Variants in PACRG observed in about 807,000 individuals in gnomAD.
PACRG encodes the protein parkin coregulated gene protein.
A neutral mutation model predicts 29.7 loss-of-function variants in PACRG; 29 were observed. That is an observed-to-expected ratio of 0.98 (90% CI 0.73 to 1.33). The LOEUF is 1.33. Among genes scored for constraint, PACRG ranks in the 40% most tolerant of loss-of-function variants. The probability of loss-of-function intolerance (pLI) is 0.00; values close to 1 mark genes in which losing one functional copy is unlikely to be tolerated. For synonymous variants in PACRG, 116 were observed against 118.7 expected, an observed-to-expected ratio of 0.98 and a Z score of 0.15; for missense variants, 279 against 316.2, an observed-to-expected ratio of 0.88 and a Z score of 0.89.
intron 2 of PACRG, among the ~76,000 whole-genome samples, chr6:162,866,507 C>T (rs902328219): frequency 6.6e-6 from 1 of 152,088 alleles, no homozygotes; most frequent in Non-Finnish European, 1.5e-5. Flanking sequence ...CCATAGAGCT[C>T]GCTCTTTTGC....
chr6:162,919,705 T>A (rs1387046158), intron 2 of PACRG, among the ~76,000 whole-genome samples: 2 of 152,210 alleles, frequency 1.3e-5, no homozygotes, highest in Non-Finnish European at 2.9e-5. Flanking sequence ...AATGAAAGCA[T>A]TGTGCTGAAT....
At position 162,895,313 on chromosome 6, in the gene PACRG, A is replaced by G. The variant is rs576986671; in HGVS notation, c.291+81032A>G. On this transcript the variant is annotated intron_variant, in intron 2 of 4. Coordinates refer to ENST00000366888, the MANE Select transcript of PACRG (RefSeq NM_001080379.2). ...AAAATACAACTTCAAATGAATGAATACTATATTTCAGGTGATAATTCCTAA... is the reference window on the plus strand; with the variant it reads ...AAAATACAACTTCAAATGAATGAATGCTATATTTCAGGTGATAATTCCTAA... Among the ~76,000 whole-genome samples, 5 of 152,038 alleles carry G rather than the reference A, an allele frequency of 3.3e-5. No individual in the cohort carries two copies. In the South Asian group the frequency reaches 8.3e-4, roughly 25 times the overall value.
intron 4 of PACRG, among the ~76,000 whole-genome samples, chr6:163,266,259 G>A (rs368252492): frequency 4.6e-5 from 7 of 152,174 alleles, no homozygotes; most frequent in East Asian, 3.9e-4. Context: ...ATCAGAAACC[G>A]GATTTGGATT....
chr6:162,996,349 C>A (rs1260798082), intron 2 of PACRG, among the ~76,000 whole-genome samples: 1 of 152,086 alleles, frequency 6.6e-6, no homozygotes, highest in East Asian at 1.9e-4. Flanking sequence ...ACAATAAAAT[C>A]ATCACTTTCA....
chr6:162,985,624 G>C (rs1023874422), intron 2 of PACRG, among the ~76,000 whole-genome samples: 1 of 152,002 alleles, frequency 6.6e-6, no homozygotes, highest in Admixed American at 6.6e-5. Flanking sequence ...AAATTTGAAA[G>C]CTTCCTCCTG....
chr6:163,133,293 G>A (rs1816806583), intron 4 of PACRG, among the ~76,000 whole-genome samples: 1 of 152,100 alleles, frequency 6.6e-6, no homozygotes, highest in Admixed American at 6.5e-5. Context: ...GCAGGAATCT[G>A]GGAAATGTAG....
intron 1 of PACRG, among the ~76,000 whole-genome samples, chr6:162,808,322 A>G (rs1388080265): frequency 6.6e-6 from 1 of 152,218 alleles, no homozygotes; most frequent in Non-Finnish European, 1.5e-5. Context: ...ACCTGATGAA[A>G]ACAAGTAATC....
In PACRG at chr6:163,163,022, G is replaced by A. The variant is rs368676169; in HGVS notation, c.613+73614G>A. On this transcript the variant is annotated intron_variant, in intron 4 of 4. Coordinates refer to ENST00000366888, the MANE Select transcript of PACRG (RefSeq NM_001080379.2). ...GATCAGCCTGGCTGCTAATGGAATC[G>A]TGTCCTAACCAAGTTTCGTTAGGAA... Among the ~76,000 whole-genome samples, 177 of 152,294 alleles carry A rather than the reference G, an allele frequency of 1.2e-3. 2 individuals are homozygous for A. Among genetic ancestry groups the A allele is most frequent in the African/African-American group, 4.2e-3 (175 of 41,558 alleles).
intron 4 of PACRG, among the ~76,000 whole-genome samples, chr6:163,250,383 C>T (rs576257138): frequency 2.6e-5 from 4 of 152,370 alleles, no homozygotes; most frequent in African/African-American, 9.6e-5. Flanking sequence ...TGCTCGGGGG[C>T]CCCATGCACC....
intron 1 of PACRG, among the ~76,000 whole-genome samples, chr6:162,756,509 C>T (rs892578125): frequency 1.3e-5 from 2 of 152,040 alleles, no homozygotes; most frequent in African/African-American, 2.4e-5. Context: ...TTTTTCCAGG[C>T]CTACATTTTC....
At chr6:162,921,714 C>T (rs1341914153) in intron 2 of PACRG, among the ~76,000 whole-genome samples, 2 of 152,110 alleles carry the variant, frequency 1.3e-5, no homozygotes, top group Non-Finnish European at 2.9e-5. Context: ...TATATTTCCA[C>T]ACGTGTATAC....
At chr6:163,247,325 C>T (rs1782734551) in intron 4 of PACRG, among the ~76,000 whole-genome samples, 1 of 152,178 alleles carries the variant, frequency 6.6e-6, no homozygotes, top group East Asian at 1.9e-4. Flanking sequence ...TGGAGGAGCG[C>T]TCCTTATGCT....
chr6:163,080,986 G>A (rs1813023055), intron 3 of PACRG, among the ~76,000 whole-genome samples: 1 of 152,018 alleles, frequency 6.6e-6, no homozygotes, highest in Admixed American at 6.6e-5. Context: ...GATCTAAATC[G>A]ATCATACTTT....
chr6:163,216,570 A>C (rs1262543334), intron 4 of PACRG, among the ~76,000 whole-genome samples: 1 of 152,232 alleles, frequency 6.6e-6, no homozygotes, highest in African/African-American at 2.4e-5. Flanking sequence ...ATGAGAGCTT[A>C]ATGGCTTAGA....
intron 4 of PACRG, among the ~76,000 whole-genome samples, chr6:163,235,361 T>A (rs1398955553): frequency 6.6e-6 from 1 of 152,204 alleles, no homozygotes; most frequent in Non-Finnish European, 1.5e-5. Flanking sequence ...TTAAAATAAT[T>A]TCTCAATTTC....
chr6:163,273,762 T>C (rs1433022400), intron 4 of PACRG, among the ~76,000 whole-genome samples: 1 of 152,170 alleles, frequency 6.6e-6, no homozygotes, highest in Non-Finnish European at 1.5e-5. Flanking sequence ...ATTTTTGTCT[T>C]TTAAAAGCCA....
chr6:163,267,913 A>C (rs926711203), intron 4 of PACRG, among the ~76,000 whole-genome samples: 1 of 152,246 alleles, frequency 6.6e-6, no homozygotes, highest in Non-Finnish European at 1.5e-5. Flanking sequence ...AGTAACACCC[A>C]AATGAGTTAC....
chr6:163,035,329 A>G (rs956482756), intron 2 of PACRG, among the ~76,000 whole-genome samples: 6 of 152,000 alleles, frequency 3.9e-5, no homozygotes, highest in African/African-American at 1.5e-4. Flanking sequence ...CCTGGCCAAC[A>G]TGGTGGAACC....
chr6:162,791,312 T>TG (rs1320338335), intron 1 of PACRG, among the ~76,000 whole-genome samples: 1 of 80,848 alleles, frequency 1.2e-5, no homozygotes, highest in African/African-American at 4.7e-5. Context: ...TGTTTGTTTG[T>TG]TTTTTTTTTT....
Sources: gnomAD v4.1 joint callset for allele counts (sites outside exome capture counted in the v4.1 genomes callset) on GRCh38, gnomAD v4.1.1 for gene constraint, MANE v1.5 for transcripts, NCBI Gene and HGNC (gene_info 2026-07-23, HGNC 2026-07-21) for gene names.